Variants in PAN3 observed in about 807,000 individuals in gnomAD.
The protein encoded by PAN3 is poly(A) specific ribonuclease subunit PAN3.
Under a neutral mutation model 96.2 loss-of-function variants are expected in PAN3, and 19 were observed. The observed-to-expected ratio is 0.20, with a 90% CI of 0.14 to 0.29. PAN3 has a LOEUF of 0.29. Ranked by LOEUF, PAN3 falls within the 10% of genes least tolerant of loss-of-function variation. The pLI is 1.00. For synonymous variants in PAN3, 433 were observed against 406.6 expected, an observed-to-expected ratio of 1.06 and a Z score of -0.78; for missense variants, 882 against 1,108.1, an observed-to-expected ratio of 0.80 and a Z score of 2.90.
At chr13:28,255,077 T>C (rs1297994417) in intron 6 of PAN3, among the ~76,000 whole-genome samples, 1 of 152,220 alleles carries the variant, frequency 6.6e-6, no homozygotes, top group Non-Finnish European at 1.5e-5. Flanking sequence ...TGGTATCTTA[T>C]GAATTATTAG....
intron 17 of PAN3, among the ~76,000 whole-genome samples, chr13:28,284,980 G>C (rs1406306695): frequency 2.6e-5 from 4 of 152,062 alleles, no homozygotes; most frequent in South Asian, 2.1e-4. Context: ...CCAAGATCAT[G>C]GTATGTCATT....
chr13:28,279,309 T>C (rs1887280923), intron 15 of PAN3, among the ~76,000 whole-genome samples: 1 of 152,138 alleles, frequency 6.6e-6, no homozygotes, highest in African/African-American at 2.4e-5. Flanking sequence ...TAAATTAAGT[T>C]TTAGAGCAGA....
intron 6 of PAN3, among the ~76,000 whole-genome samples, chr13:28,225,699 C>T (rs1881923014): frequency 6.6e-6 from 1 of 152,158 alleles, no homozygotes; most frequent in Non-Finnish European, 1.5e-5. Context: ...AAACCAAAGT[C>T]TTGTCTCTCT....
At chr13:28,192,764 ATGT>A (rs1455674898) in intron 4 of PAN3, among the ~76,000 whole-genome samples, 2 of 152,222 alleles carry the variant, frequency 1.3e-5, no homozygotes, top group Non-Finnish European at 2.9e-5. Context: ...AGATTCTCAG[ATGT>A]TTAGTTGAAA....
chr13:28,215,373 A>G (rs1880610600), intron 5 of PAN3: 4 of 751,190 alleles, frequency 5.3e-6, no homozygotes, highest in Admixed American at 5.3e-5. Context: ...CAACGTTACA[A>G]CTGAAGTCTA....
In PAN3 at chr13:28,256,169, T is replaced by A. The variant is rs561900027; in HGVS notation, c.1001-123T>A. ...AAACAAGATAAAATTATTTCCTTCA[T>A]CTTTGCACTTACGATCCCAAAGATG... On this transcript the variant is annotated intron_variant, in intron 6 of 18. Coordinates refer to ENST00000380958, the MANE Select transcript of PAN3 (RefSeq NM_175854.8). 3.3e-5 allele frequency: 34 copies of A among 1,033,012 alleles called. No individual in the cohort carries two copies. In the African/African-American group the frequency reaches 4.8e-4, roughly 15 times the overall value. The allele number at this position is 1,033,012 out of a possible 1,614,324, so 64.0% of individuals were successfully genotyped here. A position where few individuals can be genotyped will look rare whatever the true frequency, so the allele number is the denominator to read the frequency against.
In PAN3 at chr13:28,201,561, AT is replaced by A. The variant is rs958819721; in HGVS notation, c.852+4226del. On this transcript the variant is annotated intron_variant, in intron 5 of 18. Transcript: ENST00000380958. ...ACTCCATCTCAAAATAGTAATAATA[AT>A]TTTTTTTTTTAAGAGACGGGGGAGT... is the stretch of plus-strand genomic sequence containing the variant. Among the ~76,000 whole-genome samples, 88 of 145,432 alleles carry A rather than the reference AT, an allele frequency of 6.1e-4. 1 individual carries two copies. Among genetic ancestry groups the A allele is most frequent in the Admixed American group, 6.2e-4 (9 of 14,444 alleles).
intron 6 of PAN3, among the ~76,000 whole-genome samples, chr13:28,254,520 C>T (rs188798186): frequency 3.0e-4 from 46 of 152,190 alleles, no homozygotes; most frequent in Admixed American, 8.5e-4. Flanking sequence ...GAAAATCTGT[C>T]TAAATGCATT....
intron 6 of PAN3, among the ~76,000 whole-genome samples, chr13:28,226,821 AT>A (rs1486703315): frequency 1.3e-5 from 2 of 152,196 alleles, no homozygotes; most frequent in African/African-American, 4.8e-5. Context: ...AAGTATTTGT[AT>A]TTTTAAATTG....
At chr13:28,261,658 A>T (rs189525388) in intron 9 of PAN3, among the ~76,000 whole-genome samples, 200 bp downstream of exon 9, 6 of 151,854 alleles carry the variant, frequency 4.0e-5, no homozygotes, top group Admixed American at 3.3e-4. Flanking sequence ...AATAGTGGGA[A>T]CCTGTCTCTA....
intron 1 of PAN3, among the ~76,000 whole-genome samples, chr13:28,153,176 T>C (rs1044593485): frequency 1.3e-5 from 2 of 151,612 alleles, no homozygotes; most frequent in Non-Finnish European, 2.9e-5. Context: ...ACAGACAAGA[T>C]GCTTAAAATA....
chr13:28,179,508 A>G (rs7335722), intron 4 of PAN3, among the ~76,000 whole-genome samples: 18,555 of 152,206 alleles, frequency 0.12, 1,310 homozygotes, highest in East Asian at 0.33. Context: ...TGAGCCCAGG[A>G]GTTTGAGACC....
chr13:28,267,037 A>G (rs1177841734), intron 10 of PAN3, 58 bp from the exon 11 acceptor site: 5 of 1,452,252 alleles, frequency 3.4e-6, no homozygotes, highest in Non-Finnish European at 3.7e-6. Flanking sequence ...TCCATTTCTG[A>G]TGGAATATGA....
chr13:28,223,210 T>C (rs1290205926), intron 6 of PAN3, among the ~76,000 whole-genome samples: 1 of 152,220 alleles, frequency 6.6e-6, no homozygotes, highest in Non-Finnish European at 1.5e-5. Flanking sequence ...TATACAAATA[T>C]TTGAATTTAC....
At position 28,295,244 on chromosome 13, in the gene PAN3, T is replaced by C. The variant is rs1870178531; in HGVS notation, c.*2722T>C. ...AAAGCACCAGTGTGTTAGGTTCTAA[T>C]GTCATGACCCAATTTGTGTTATTCA... is the stretch of plus-strand genomic sequence containing the variant. On this transcript the variant is annotated 3_prime_UTR_variant, in exon 19 of 19. Transcript: ENST00000380958. 2 of 152,256 alleles carry C rather than the reference T, an allele frequency of 1.3e-5. No individual in the cohort carries two copies. 9.4% of individuals were successfully genotyped at this position (152,256 alleles called of 1,614,324 possible). A position where few individuals can be genotyped will look rare whatever the true frequency, so the allele number is the denominator to read the frequency against.
At chr13:28,185,857 T>C (rs531928696) in intron 4 of PAN3, among the ~76,000 whole-genome samples, 1 of 152,314 alleles carries the variant, frequency 6.6e-6, no homozygotes, top group South Asian at 2.1e-4. Flanking sequence ...GTTGGCTTCT[T>C]TACACTCTGG....
intron 18 of PAN3, among the ~76,000 whole-genome samples, chr13:28,291,609 C>T (rs1370165357): frequency 6.6e-6 from 1 of 152,152 alleles, no homozygotes; most frequent in Non-Finnish European, 1.5e-5. Flanking sequence ...GCGGGTGGAT[C>T]GCCTGAGGTC....
At chr13:28,230,054 C>CTT (rs199942600) in intron 6 of PAN3, among the ~76,000 whole-genome samples, 1 of 146,214 alleles carries the variant, frequency 6.8e-6, no homozygotes, top group African/African-American at 2.5e-5. Context: ...TTTAGTACCT[C>CTT]TTTTTTTTTT....
intron 6 of PAN3, among the ~76,000 whole-genome samples, chr13:28,249,765 T>C (rs1884546167): frequency 6.6e-6 from 1 of 152,188 alleles, no homozygotes; most frequent in Non-Finnish European, 1.5e-5. Context: ...GAATTTTTAA[T>C]GACTTTGAGC....
Sources: allele counts gnomAD v4.1 joint callset (sites outside exome capture counted in the v4.1 genomes callset), GRCh38; gene constraint gnomAD v4.1.1; transcripts MANE v1.5; gene names NCBI Gene and HGNC (gene_info 2026-07-23, HGNC 2026-07-21).